The following ISM1 variants were observed in gnomAD, a reference collection of about 807,000 sequenced individuals.
ISM1 encodes the protein isthmin-1.
A neutral mutation model predicts 46.3 loss-of-function variants in ISM1; 25 were observed. The observed-to-expected ratio is 0.54, with a 90% CI of 0.39 to 0.75. The LOEUF (loss-of-function observed/expected upper bound fraction) is 0.75. Ranked by LOEUF, ISM1 falls within the 30% of genes least tolerant of loss-of-function variation. The probability of loss-of-function intolerance (pLI) is 0.00; values close to 1 mark genes in which losing one functional copy is unlikely to be tolerated. For missense variants in ISM1, 536 were observed against 625.4 expected (o/e 0.86, Z 1.52); for synonymous variants, 255 against 256.7 (o/e 0.99, Z 0.06).
chr20:13,293,399 G>A (rs2123322665), intron 5 of ISM1, among the ~76,000 whole-genome samples: 1 of 152,146 alleles, frequency 6.6e-6, no homozygotes, highest in African/African-American at 2.4e-5. Flanking sequence ...GATTGTAGAA[G>A]GGTAAAATTC....
chr20:13,286,903 C>T (rs1275647271), intron 3 of ISM1, among the ~76,000 whole-genome samples: 1 of 152,228 alleles, frequency 6.6e-6, no homozygotes, highest in African/African-American at 2.4e-5. Flanking sequence ...TAGCTCCACG[C>T]TTGGCAGCAG....
intron 4 of ISM1, 59 bp from the exon 5 acceptor site, chr20:13,292,315 G>A (rs1568689575): frequency 9.9e-7 from 1 of 1,008,756 alleles, no homozygotes; most frequent in South Asian, 1.4e-5. Flanking sequence ...TATTGTTGGG[G>A]TGGGGGAGAT....
chr20:13,295,404 T>G (rs1233319920), intron 5 of ISM1, among the ~76,000 whole-genome samples: 3 of 151,910 alleles, frequency 2.0e-5, no homozygotes, highest in Non-Finnish European at 4.4e-5. Flanking sequence ...AATCTTATAT[T>G]CCTATACCTT....
At chr20:13,283,816 T>A (rs1400952300) in intron 3 of ISM1, among the ~76,000 whole-genome samples, 1 of 152,244 alleles carries the variant, frequency 6.6e-6, no homozygotes, top group Non-Finnish European at 1.5e-5. Context: ...TGAAATTCTC[T>A]AACTGGTCAT....
chr20:13,221,949 G>C, intron 1 of ISM1, 35 bp downstream of exon 1: 2 of 1,308,560 alleles, frequency 1.5e-6, no homozygotes, highest in Non-Finnish European at 1.9e-6. Context: ...GTGCGCGGCT[G>C]CGGGGACGGT....
chr20:13,270,589 A>G lies in ISM1; in HGVS notation c.224A>G (p.Gln75Arg). ...GCACCAAGGGAGCATCTGGACCACC[A>G]GGCTGCACACCAACCCTTCCCCAGA... The part of the protein sequence containing the change: ...KEAPREHLDH[Q>R]AAHQPFPRPR... Residue 75 changes from glutamine to arginine, a missense_variant, in exon 2 of 6, where the codon CAG (glutamine) becomes CGG (arginine). Gln to Arg is a conservative substitution (Grantham distance 43). Around this residue, in one of 2 missense-constraint regions of ISM1, gnomAD observed 367 missense variants for 376.1 expected, o/e 0.98. Transcript: ENST00000262487. 1 of 1,613,990 alleles carries G rather than the reference A, an allele frequency of 6.2e-7. No individual in the cohort carries two copies. Among genetic ancestry groups the G allele is most frequent in the Non-Finnish European group, 8.5e-7 (1 of 1,179,878 alleles).
chr20:13,235,911 A>G (rs2039642783), intron 1 of ISM1, among the ~76,000 whole-genome samples: 1 of 151,000 alleles, frequency 6.6e-6, no homozygotes, highest in Admixed American at 6.6e-5. Context: ...CTCTGTGCAT[A>G]GTATATTGTA....
chr20:13,279,069 A>G (rs1250442258), intron 2 of ISM1, among the ~76,000 whole-genome samples: 1 of 152,192 alleles, frequency 6.6e-6, no homozygotes, highest in African/African-American at 2.4e-5. Context: ...GGGAGGAGAA[A>G]TGGGCTCCAC....
chr20:13,318,876 G>A, the ISM1 span, among the ~76,000 whole-genome samples: 2 of 152,218 alleles, frequency 1.3e-5, no homozygotes, highest in African/African-American at 4.8e-5. Flanking sequence ...TTGAGAAGAG[G>A]AAGGGATAAA....
intron 1 of ISM1, chr20:13,244,401 A>AAAAAC (rs3041813): frequency 1.3e-5 from 2 of 151,590 alleles, no homozygotes; most frequent in African/African-American, 2.4e-5. Flanking sequence ...AAAAAAAAAA[A>AAAAAC]CCAGCATAAG....
At chr20:13,277,514 T>C (rs2040193342) in intron 2 of ISM1, among the ~76,000 whole-genome samples, 1 of 152,218 alleles carries the variant, frequency 6.6e-6, no homozygotes, top group Admixed American at 6.5e-5. Context: ...TGTGTGCTCC[T>C]TCTCCACTTG....
intron 5 of ISM1, among the ~76,000 whole-genome samples, chr20:13,295,802 C>T (rs900752447): frequency 7.2e-5 from 11 of 152,214 alleles, no homozygotes; most frequent in Non-Finnish European, 1.3e-4. Flanking sequence ...TCCCCTACCA[C>T]GCTCAGTCAT....
the ISM1 span, among the ~76,000 whole-genome samples, chr20:13,321,276 A>AAAAAAAAAAAAAAAAAAAAAAAAC: frequency 7.0e-6 from 1 of 143,536 alleles, no homozygotes; most frequent in Non-Finnish European, 1.5e-5. Context: ...AAAAAAAAAA[A>AAAAAAAAAAAAAAAAAAAAAAAAC]GATTTTATGA....
intron 1 of ISM1, among the ~76,000 whole-genome samples, chr20:13,224,966 C>G (rs1214363735): frequency 6.6e-6 from 1 of 151,384 alleles, no homozygotes; most frequent in Non-Finnish European, 1.5e-5. Flanking sequence ...CTGCCTCAGC[C>G]TCCCAAGTAG....
chr20:13,285,697 G>T (rs1261773900), intron 3 of ISM1, among the ~76,000 whole-genome samples: 2 of 152,152 alleles, frequency 1.3e-5, no homozygotes, highest in African/African-American at 4.8e-5. Flanking sequence ...CCAAGGGCGT[G>T]GATTTGGAAA....
the ISM1 span, among the ~76,000 whole-genome samples, chr20:13,307,969 C>A: frequency 6.6e-6 from 1 of 152,168 alleles, no homozygotes; most frequent in Non-Finnish European, 1.5e-5. Context: ...AGGGCATGCA[C>A]AGCTTTAGTT....
At chr20:13,322,628 C>G in the ISM1 span, among the ~76,000 whole-genome samples, 2 of 152,118 alleles carry the variant, frequency 1.3e-5, no homozygotes, top group African/African-American at 4.8e-5. Flanking sequence ...AAGAAAAGCC[C>G]AAGACCCAGG....
At chr20:13,234,307 T>C (rs2039623377) in intron 1 of ISM1, among the ~76,000 whole-genome samples, 1 of 152,262 alleles carries the variant, frequency 6.6e-6, no homozygotes, top group African/African-American at 2.4e-5. Context: ...TTCTTTTTTA[T>C]GTCTAAGTAG....
At chr20:13,274,691 C>G (rs1020163155) in intron 2 of ISM1, among the ~76,000 whole-genome samples, 14 of 151,286 alleles carry the variant, frequency 9.3e-5, no homozygotes, top group African/African-American at 3.1e-4. Context: ...GCCCGGCCCC[C>G]GGGCCTCTTG....
Sources: allele counts gnomAD v4.1 joint callset (sites outside exome capture counted in the v4.1 genomes callset), GRCh38; gene constraint gnomAD v4.1.1; regional missense constraint gnomAD v4.1.1; transcripts MANE v1.5; gene names NCBI Gene and HGNC (gene_info 2026-07-23, HGNC 2026-07-21).